The following NCALD variants were observed in gnomAD, a reference collection of about 807,000 sequenced individuals.
The protein encoded by NCALD is neurocalcin-delta.
A neutral mutation model predicts 18.6 loss-of-function variants in NCALD; 10 were observed. The ratio of observed to expected loss-of-function variants is 0.54; its 90% CI spans 0.33 to 0.91. The LOEUF is 0.91. Ranked by LOEUF, NCALD falls within the 40% of genes least tolerant of loss-of-function variation. The probability of loss-of-function intolerance (pLI) is 0.03; values close to 1 mark genes in which losing one functional copy is unlikely to be tolerated. For synonymous variants in NCALD, 88 were observed against 87.4 expected (o/e 1.01, Z -0.04); for missense variants, 184 against 247.6 (o/e 0.74, Z 1.72).
At chr8:101,923,787 T>C (rs1208729953) in intron 2 of NCALD, among the ~76,000 whole-genome samples, 2 of 152,218 alleles carry the variant, frequency 1.3e-5, no homozygotes, top group African/African-American at 2.4e-5. Context: ...TTATTAAAGG[T>C]ATTGACTAGC....
At chr8:101,831,301 G>T (rs1411929794) in intron 4 of NCALD, among the ~76,000 whole-genome samples, 1 of 152,034 alleles carries the variant, frequency 6.6e-6, no homozygotes, top group African/African-American at 2.4e-5. Context: ...AAATAAGAAT[G>T]GTCTATAAAT....
At chr8:101,788,579 A>G (rs182759559) in intron 1 of NCALD, 1 of 152,332 alleles carries the variant, frequency 6.6e-6, no homozygotes, top group African/African-American at 2.4e-5. Flanking sequence ...TGTAAAATTT[A>G]GTTAACGTTT....
At chr8:102,073,669 T>A (rs866739034) in intron 1 of NCALD, among the ~76,000 whole-genome samples, 23 of 152,090 alleles carry the variant, frequency 1.5e-4, no homozygotes, top group African/African-American at 5.6e-4. Flanking sequence ...TGCTGGCACA[T>A]CTCCTAAAAG....
At chr8:101,933,416 G>A (rs1207508834) in intron 2 of NCALD, among the ~76,000 whole-genome samples, 1 of 152,200 alleles carries the variant, frequency 6.6e-6, no homozygotes, top group East Asian at 1.9e-4. Context: ...CAAAGGCCAG[G>A]AAATGAATTC....
intron 1 of NCALD, among the ~76,000 whole-genome samples, chr8:101,729,291 TAAAAG>T (rs1474059641): frequency 6.6e-6 from 1 of 152,136 alleles, no homozygotes. Flanking sequence ...AGGAAAAAAT[TAAAAG>T]AGGGAGAATT....
rs567068498 is a variant in NCALD at position 101,701,823 on chromosome 8, T to C, written c.379-8927A>G. 3.3e-4 allele frequency among the ~76,000 whole-genome samples: 51 copies of C among 152,316 alleles called. No individual in the cohort carries two copies. In the South Asian group the frequency reaches 8.9e-3, roughly 27 times the overall value. On this transcript the variant is annotated intron_variant, in intron 2 of 3. Coordinates refer to ENST00000220931, the MANE Select transcript of NCALD (RefSeq NM_032041.3). ...AAGTTTGGCAGCACCTGGTTGTCCT[T>C]AGACTTTCTCACCTTGCTTAGACTA...
chr8:101,777,613 T>C (rs1811847044), intron 1 of NCALD, among the ~76,000 whole-genome samples: 1 of 152,150 alleles, frequency 6.6e-6, no homozygotes, highest in Admixed American at 6.5e-5. Context: ...AATAGCCTTA[T>C]AAAAAGTAAG....
At chr8:101,692,616 A>G (rs1371148579) in intron 3 of NCALD, 175 bp downstream of exon 3, 2 of 981,698 alleles carry the variant, frequency 2.0e-6, no homozygotes, top group Non-Finnish European at 2.4e-6. Context: ...ATTTCCCCCA[A>G]TTCTGGGCTC....
intron 1 of NCALD, among the ~76,000 whole-genome samples, chr8:101,765,900 A>G (rs1340148726): frequency 6.6e-6 from 1 of 152,086 alleles, no homozygotes; most frequent in East Asian, 1.9e-4. Flanking sequence ...TGCAGCATTA[A>G]CCTCATTTAC....
chr8:101,702,698 T>C (rs965853725), intron 2 of NCALD, among the ~76,000 whole-genome samples: 4 of 152,258 alleles, frequency 2.6e-5, no homozygotes, highest in African/African-American at 4.8e-5. Context: ...CTTTATGTTC[T>C]GTGGTGCGCA....
chr8:102,095,337 A>T (rs1416716469), intron 1 of NCALD, among the ~76,000 whole-genome samples: 1 of 152,152 alleles, frequency 6.6e-6, no homozygotes, highest in Non-Finnish European at 1.5e-5. Context: ...GATGTGAATA[A>T]AGAACACGTG....
intron 1 of NCALD, among the ~76,000 whole-genome samples, chr8:102,092,950 T>C (rs1052297631): frequency 1.3e-5 from 2 of 152,226 alleles, no homozygotes; most frequent in African/African-American, 2.4e-5. Flanking sequence ...GCAGGGACTA[T>C]GTCTGTCTCC....
At chr8:101,887,696 T>C (rs765316469) in intron 3 of NCALD, among the ~76,000 whole-genome samples, 2 of 151,626 alleles carry the variant, frequency 1.3e-5, no homozygotes, top group Non-Finnish European at 2.9e-5. Context: ...AATAATGTAA[T>C]GTATGTAATT....
intron 2 of NCALD, among the ~76,000 whole-genome samples, chr8:101,969,866 C>A (rs1257499756): frequency 2.0e-5 from 3 of 152,128 alleles, no homozygotes; most frequent in Non-Finnish European, 2.9e-5. Flanking sequence ...CCAGACAGGC[C>A]CAAGCTCTTA....
At chr8:102,112,159 T>C (rs1825660633) in intron 1 of NCALD, among the ~76,000 whole-genome samples, 1 of 152,228 alleles carries the variant, frequency 6.6e-6, no homozygotes, top group Admixed American at 6.5e-5. Flanking sequence ...GGTGCACCTG[T>C]ACCTCTGGTA....
intron 3 of NCALD, among the ~76,000 whole-genome samples, chr8:101,898,619 T>G (rs1191493555): frequency 6.6e-6 from 1 of 152,174 alleles, no homozygotes; most frequent in African/African-American, 2.4e-5. Context: ...TCTGGTATGT[T>G]TTCTTTTACA....
intron 3 of NCALD, among the ~76,000 whole-genome samples, chr8:101,904,542 C>T (rs992929710): frequency 1.3e-5 from 2 of 152,144 alleles, no homozygotes; most frequent in African/African-American, 2.4e-5. Context: ...CACCACCACC[C>T]CTCTTACATC....
At chr8:101,832,569 T>G (rs745440867) in intron 4 of NCALD, among the ~76,000 whole-genome samples, 3 of 152,214 alleles carry the variant, frequency 2.0e-5, no homozygotes, top group Non-Finnish European at 4.4e-5. Context: ...TCATTTACAG[T>G]GAAAATAAAA....
intron 1 of NCALD, among the ~76,000 whole-genome samples, chr8:102,097,414 C>A (rs1286318403): frequency 6.6e-6 from 1 of 152,224 alleles, no homozygotes; most frequent in Non-Finnish European, 1.5e-5. Flanking sequence ...CACCCAGTTC[C>A]AACCACGCGG....
Sources: gnomAD v4.1 joint callset for allele counts (sites outside exome capture counted in the v4.1 genomes callset) on GRCh38, gnomAD v4.1.1 for gene constraint, MANE v1.5 for transcripts, NCBI Gene and HGNC (gene_info 2026-07-23, HGNC 2026-07-21) for gene names.